AUTS2: variants seen among roughly 807,000 people sequenced by gnomAD.
AUTS2 encodes activator of transcription and developmental regulator AUTS2.
AUTS2 carries 17 observed loss-of-function variants against 112.4 expected under a neutral mutation model. The ratio of observed to expected loss-of-function variants is 0.15; its 90% CI spans 0.10 to 0.23. The LOEUF (loss-of-function observed/expected upper bound fraction) is 0.23. Ranked by LOEUF, AUTS2 falls within the 10% of genes least tolerant of loss-of-function variation. The pLI is 1.00. For missense variants in AUTS2, 1,510 were observed against 1,701.6 expected, an observed-to-expected ratio of 0.89 and a Z score of 1.98; for synonymous variants, 751 against 702.7, an observed-to-expected ratio of 1.07 and a Z score of -1.09.
chr7:69,948,460 A>T (rs1796900673), intron 2 of AUTS2, among the ~76,000 whole-genome samples: 1 of 152,212 alleles, frequency 6.6e-6, no homozygotes, highest in Admixed American at 6.5e-5. Context: ...ACACCTCCAG[A>T]ATGTAAGCAA....
rs767187522 is a variant in AUTS2, at chr7:70,631,020, C to T, written c.691-67549C>T. Among the ~76,000 whole-genome samples the T allele has an allele frequency of 1.3e-5, 2 of 152,074 alleles. No homozygotes were observed. Among genetic ancestry groups the T allele is most frequent in the East Asian group, 1.9e-4 (1 of 5,172 alleles). ...CTTTAATGAAGAAGATAAAGCGGCC[C>T]GGCTGGTGTCCCACAGGCTCGGCGC... On this transcript the variant is annotated intron_variant, in intron 5 of 18. Transcript: ENST00000342771. This position sits in a 1 kb window ranked among gnomAD's most constrained non-coding sequence, Gnocchi z 4.5.
intron 5 of AUTS2, among the ~76,000 whole-genome samples, chr7:70,666,050 G>T (rs1239645230): frequency 6.6e-6 from 1 of 152,118 alleles, no homozygotes; most frequent in East Asian, 1.9e-4. Flanking sequence ...AGATGATAAG[G>T]TGCCGTGACA....
chr7:69,882,250 T>C (rs974740172), intron 1 of AUTS2, among the ~76,000 whole-genome samples: 1 of 150,410 alleles, frequency 6.6e-6, no homozygotes, highest in African/African-American at 2.5e-5. Context: ...GGTGAAAGAA[T>C]TGATTGCTTG....
At chr7:70,778,418 T>C (rs1311608338) in intron 14 of AUTS2, among the ~76,000 whole-genome samples, 1 of 152,094 alleles carries the variant, frequency 6.6e-6, no homozygotes. Flanking sequence ...TAGATAGAGC[T>C]CTTCATCACA....
intron 1 of AUTS2, among the ~76,000 whole-genome samples, chr7:69,821,269 A>T (rs562991635): frequency 3.7e-4 from 56 of 152,298 alleles, no homozygotes; most frequent in Admixed American, 1.8e-3. Context: ...TAGTCCTGAG[A>T]GGTGAAGCCA....
intron 5 of AUTS2, among the ~76,000 whole-genome samples, chr7:70,571,286 T>C (rs1407569583): frequency 2.6e-5 from 4 of 152,130 alleles, no homozygotes. Flanking sequence ...TAAAGTGAGG[T>C]AAGTGATATC....
At chr7:69,857,659 T>C (rs1408761880) in intron 1 of AUTS2, among the ~76,000 whole-genome samples, 4 of 152,142 alleles carry the variant, frequency 2.6e-5, no homozygotes, top group African/African-American at 9.7e-5. Context: ...TGTTTCTCAA[T>C]AGTTGGAATT....
intron 4 of AUTS2, among the ~76,000 whole-genome samples, chr7:70,148,879 A>G (rs1807275231): frequency 6.6e-6 from 1 of 152,122 alleles, no homozygotes; most frequent in Admixed American, 6.6e-5. Flanking sequence ...AAACAAAGCT[A>G]GTAAAGAATG....
intron 5 of AUTS2, among the ~76,000 whole-genome samples, chr7:70,664,288 T>C (rs758705946): frequency 6.6e-6 from 1 of 152,212 alleles, no homozygotes; most frequent in Non-Finnish European, 1.5e-5. Flanking sequence ...AGCCATGTAA[T>C]AAGTGGATTC....
chr7:69,922,088 A>AG (rs1795840808), intron 2 of AUTS2, among the ~76,000 whole-genome samples: 1 of 152,206 alleles, frequency 6.6e-6, no homozygotes. Flanking sequence ...AGAAAAAAAA[A>AG]TTAGTAAATG....
chr7:69,918,139 C>G (rs1324828061), intron 2 of AUTS2, among the ~76,000 whole-genome samples: 1 of 152,072 alleles, frequency 6.6e-6, no homozygotes, highest in Non-Finnish European at 1.5e-5. Flanking sequence ...CCATGCCCAG[C>G]CCCAAGGACA....
chr7:70,114,083 A>G (rs1048990144), intron 2 of AUTS2, among the ~76,000 whole-genome samples: 4 of 152,252 alleles, frequency 2.6e-5, no homozygotes, highest in African/African-American at 9.6e-5. Flanking sequence ...TGATAGAATT[A>G]CTGCCACTCA....
At chr7:70,328,391 AT>A (rs1039192042) in intron 4 of AUTS2, among the ~76,000 whole-genome samples, 15 of 149,792 alleles carry the variant, frequency 1.0e-4, no homozygotes, top group East Asian at 2.0e-4. Context: ...CTGGTTTATT[AT>A]TTTTTTTTTA....
chr7:70,602,987 T>G (rs1803553607), intron 5 of AUTS2, among the ~76,000 whole-genome samples: 1 of 152,218 alleles, frequency 6.6e-6, no homozygotes, highest in South Asian at 2.1e-4. Flanking sequence ...AACTGTGTTG[T>G]GAAAAAAGTT....
At chr7:70,781,364 CAA>C (rs756708435) in intron 14 of AUTS2, 1,606 of 122,834 alleles carry the variant, frequency 0.013, no homozygotes, top group Middle Eastern at 0.027. Context: ...GACTCCGTCA[CAA>C]AAAAAAAAAA....
chr7:70,076,189 G>A (rs142349445), intron 2 of AUTS2, among the ~76,000 whole-genome samples: 186 of 151,926 alleles, frequency 1.2e-3, no homozygotes, highest in African/African-American at 4.2e-3. Context: ...TTTTTTTGGC[G>A]TAAAGACGTT....
At chr7:70,579,261 A>AAAAAAAAAAAAAAAAAAAAAG in intron 5 of AUTS2, among the ~76,000 whole-genome samples, 1 of 145,896 alleles carries the variant, frequency 6.9e-6, no homozygotes, top group Non-Finnish European at 1.5e-5. Flanking sequence ...AAAAAAAAAA[A>AAAAAAAAAAAAAAAAAAAAAG]AGATGAAGGG....
intron 6 of AUTS2, among the ~76,000 whole-genome samples, chr7:70,730,952 A>T (rs1475977582): frequency 6.6e-6 from 1 of 152,196 alleles, no homozygotes; most frequent in East Asian, 1.9e-4. Flanking sequence ...GGTGTGAAGT[A>T]ATATTTGATT....
intron 5 of AUTS2, among the ~76,000 whole-genome samples, chr7:70,544,775 T>C (rs1331810505): frequency 6.6e-6 from 1 of 152,156 alleles, no homozygotes; most frequent in Non-Finnish European, 1.5e-5. Context: ...AGGTTTCCCT[T>C]GAGATCTGAA....
Sources: allele counts gnomAD v4.1 joint callset (sites outside exome capture counted in the v4.1 genomes callset), GRCh38; gene constraint gnomAD v4.1.1; non-coding constraint Gnocchi (gnomAD v3.1); transcripts MANE v1.5; gene names NCBI Gene and HGNC (gene_info 2026-07-23, HGNC 2026-07-21).